Variants in LHFPL3 observed in about 807,000 individuals in gnomAD.
LHFPL3 encodes LHFPL tetraspan subfamily member 3.
In LHFPL3, 5 loss-of-function variants were observed where a neutral mutation model predicts 19.3. The observed-to-expected ratio is 0.26, with a 90% confidence interval of 0.14 to 0.54. The LOEUF (loss-of-function observed/expected upper bound fraction) is 0.54, where lower values mean the gene tolerates loss of function less well. Among genes scored for constraint, LHFPL3 ranks in the 20% least tolerant of loss-of-function variants. LHFPL3 has a pLI of 0.94. For synonymous variants in LHFPL3, 133 were observed against 126.2 expected (o/e 1.05, Z -0.36); for missense variants, 249 against 307.4 (o/e 0.81, Z 1.42).
At chr7:104,637,463 T>C (rs1791748958) in intron 1 of LHFPL3, among the ~76,000 whole-genome samples, 1 of 152,200 alleles carries the variant, frequency 6.6e-6, no homozygotes, top group African/African-American at 2.4e-5. Flanking sequence ...CCAGTTCCTA[T>C]GTCCAGAATG....
At position 104,417,483 on chromosome 7, in the gene LHFPL3, T is replaced by C. The variant is rs80091160; in HGVS notation, c.445+88259T>C. 8.6e-3 allele frequency among the ~76,000 whole-genome samples: 1,317 copies of C among 152,318 alleles called. 77 individuals are homozygous for C. In the East Asian group the frequency reaches 0.16, roughly 19 times the overall value. On this transcript the variant is annotated intron_variant, in intron 1 of 2. Transcript: ENST00000424859. Reference sequence around the variant, plus strand: ...GCATTTATTTGATCTTTAGAAGGAATAAATATTTTTCTACATGTAGTTTAT... The same window carrying C: ...GCATTTATTTGATCTTTAGAAGGAACAAATATTTTTCTACATGTAGTTTAT...
chr7:104,562,962 C>T (rs557885484), intron 1 of LHFPL3, among the ~76,000 whole-genome samples: 50 of 152,296 alleles, frequency 3.3e-4, no homozygotes, highest in Non-Finnish European at 4.7e-4. Flanking sequence ...CAGTGTGCCT[C>T]TGCTGGGGGG....
intron 1 of LHFPL3, among the ~76,000 whole-genome samples, chr7:104,409,809 T>C (rs142679670): frequency 1.3e-5 from 2 of 152,280 alleles, no homozygotes; most frequent in South Asian, 2.1e-4. Flanking sequence ...TGTCTGACAA[T>C]GTCTCTTGAC....
intron 2 of LHFPL3, among the ~76,000 whole-genome samples, chr7:104,814,655 G>A (rs1790531065): frequency 6.6e-6 from 1 of 152,192 alleles, no homozygotes; most frequent in Non-Finnish European, 1.5e-5. Context: ...CCAGGCTATA[G>A]GTGCCAAGCG....
intron 2 of LHFPL3, among the ~76,000 whole-genome samples, chr7:104,742,994 AC>A (rs1793964371): frequency 6.6e-6 from 1 of 152,054 alleles, no homozygotes; most frequent in Non-Finnish European, 1.5e-5. Flanking sequence ...GGTGGTGGGC[AC>A]CTGTAGTTCC....
chr7:104,561,754 G>C (rs1374986993), intron 1 of LHFPL3, among the ~76,000 whole-genome samples: 1 of 152,096 alleles, frequency 6.6e-6, no homozygotes, highest in Non-Finnish European at 1.5e-5. Flanking sequence ...TTGCTCGTTA[G>C]TTGATGCAGT....
rs113700402 is a variant in LHFPL3 at position 104,537,177 on chromosome 7, T to G, written c.446-199498T>G. Among the ~76,000 whole-genome samples the G allele has an allele frequency of 8.5e-3, 1,299 of 152,286 alleles. 13 individuals carry two copies. The highest frequency in any genetic ancestry group is 0.013 in the Non-Finnish European group (899 of 68,012). On this transcript the variant is annotated intron_variant, in intron 1 of 2. Coordinates refer to ENST00000424859, the MANE Select transcript of LHFPL3 (RefSeq NM_199000.3). ...GTTGGCTCTCATCACAGAAGGCATT[T>G]CAACACCCCATCTCCATCTGGTCAC...
intron 1 of LHFPL3, among the ~76,000 whole-genome samples, chr7:104,453,137 C>T (rs569779078): frequency 6.6e-6 from 1 of 151,656 alleles, no homozygotes; most frequent in East Asian, 1.9e-4. Flanking sequence ...CTGAGACTTG[C>T]TTGTGTAAAA....
chr7:104,352,081 T>G (rs1233355783), intron 1 of LHFPL3, among the ~76,000 whole-genome samples: 1 of 151,918 alleles, frequency 6.6e-6, no homozygotes, highest in Non-Finnish European at 1.5e-5. Flanking sequence ...AGGAGGATCC[T>G]TTGAGCTCAG....
chr7:104,445,398 T>C (rs1792312148), intron 1 of LHFPL3, among the ~76,000 whole-genome samples: 2 of 152,210 alleles, frequency 1.3e-5, no homozygotes, highest in South Asian at 4.1e-4. Flanking sequence ...TTCTAATCTT[T>C]GGTTTCCTCA....
intron 1 of LHFPL3, among the ~76,000 whole-genome samples, chr7:104,358,655 A>T (rs1790332336): frequency 6.6e-6 from 1 of 152,238 alleles, no homozygotes; most frequent in African/African-American, 2.4e-5. Context: ...CCAGTGATGG[A>T]GATCTTCAGA....
chr7:104,852,194 A>C (rs1791426086), intron 2 of LHFPL3, among the ~76,000 whole-genome samples: 1 of 152,120 alleles, frequency 6.6e-6, no homozygotes, highest in Admixed American at 6.5e-5. Context: ...CACCTTAATT[A>C]ACTGTAAGAC....
chr7:104,687,571 A>G (rs1792829819), intron 1 of LHFPL3, among the ~76,000 whole-genome samples: 1 of 152,216 alleles, frequency 6.6e-6, no homozygotes, highest in Non-Finnish European at 1.5e-5. Context: ...CAGTCATCTC[A>G]TTAGCATAGA....
At chr7:104,497,807 A>C (rs1562916624) in intron 1 of LHFPL3, among the ~76,000 whole-genome samples, 1 of 152,148 alleles carries the variant, frequency 6.6e-6, no homozygotes, top group Non-Finnish European at 1.5e-5. Context: ...AAGGCACCAG[A>C]TACCTGGAGT....
intron 1 of LHFPL3, among the ~76,000 whole-genome samples, chr7:104,549,876 C>T (rs1203139625): frequency 6.6e-6 from 1 of 152,138 alleles, no homozygotes; most frequent in East Asian, 1.9e-4. Flanking sequence ...GCTGTAATAT[C>T]ATAGAACTGT....
intron 1 of LHFPL3, among the ~76,000 whole-genome samples, chr7:104,677,494 G>T (rs1254358295): frequency 6.6e-6 from 1 of 152,278 alleles, no homozygotes; most frequent in East Asian, 1.9e-4. Context: ...TCATCTCTGG[G>T]TAGTCACAGA....
intron 1 of LHFPL3, among the ~76,000 whole-genome samples, chr7:104,430,041 CT>C (rs1770438865): frequency 6.6e-6 from 1 of 151,908 alleles, no homozygotes; most frequent in Non-Finnish European, 1.5e-5. Flanking sequence ...TCAACATCGT[CT>C]GAGTGTAATA....
chr7:104,390,400 A>G lies in LHFPL3; in HGVS notation c.445+61176A>G, dbSNP rs187769927. On this transcript the variant is annotated intron_variant, in intron 1 of 2. Transcript: ENST00000424859. ...CCCCAACCTGTGTCCAAGTGTTCTC[A>G]TTGTTCAATTCCCACCTGTGAGTGA... Among the ~76,000 whole-genome samples the G allele has an allele frequency of 2.5e-3, 365 of 145,852 alleles. 2 individuals carry two copies. Among genetic ancestry groups the G allele is most frequent in the African/African-American group, 8.9e-3 (348 of 39,198 alleles).
intron 1 of LHFPL3, among the ~76,000 whole-genome samples, chr7:104,617,221 A>G (rs1290951628): frequency 1.3e-5 from 2 of 152,212 alleles, no homozygotes; most frequent in Non-Finnish European, 2.9e-5. Flanking sequence ...AATATAAATG[A>G]TTATGAATCG....
Sources: allele counts gnomAD v4.1 joint callset (sites outside exome capture counted in the v4.1 genomes callset), GRCh38; gene constraint gnomAD v4.1.1; transcripts MANE v1.5; gene names NCBI Gene and HGNC (gene_info 2026-07-23, HGNC 2026-07-21).